The following ADGRL2 variants were observed in gnomAD, a reference collection of about 807,000 sequenced individuals.
The protein encoded by ADGRL2 is calcium-independent alpha-latrotoxin receptor 2.
Under a neutral mutation model 157.4 loss-of-function variants are expected in ADGRL2, and 44 were observed. The ratio of observed to expected loss-of-function variants is 0.28; its 90% CI spans 0.22 to 0.36. The LOEUF is 0.36. Ranked by LOEUF, ADGRL2 falls within the 10% of genes least tolerant of loss-of-function variation. ADGRL2 has a pLI of 1.00. For synonymous variants in ADGRL2, 585 were observed against 624.7 expected, an observed-to-expected ratio of 0.94 and a Z score of 0.95; for missense variants, 1,510 against 1,768.9, an observed-to-expected ratio of 0.85 and a Z score of 2.63.
chr1:81,896,010 T>C (rs2094380346), intron 2 of ADGRL2, among the ~76,000 whole-genome samples: 1 of 152,178 alleles, frequency 6.6e-6, no homozygotes. Context: ...TAAGAATAAA[T>C]ACATACTCAG....
At chr1:81,959,853 T>C (rs1009924247) in intron 11 of ADGRL2, among the ~76,000 whole-genome samples, 4 of 151,964 alleles carry the variant, frequency 2.6e-5, no homozygotes, top group African/African-American at 9.7e-5. Flanking sequence ...CAGGCTGGAG[T>C]GCAATGGCGC....
intron 1 of ADGRL2, among the ~76,000 whole-genome samples, chr1:81,426,196 G>A (rs868593384): frequency 6.6e-6 from 1 of 152,148 alleles, no homozygotes; most frequent in Non-Finnish European, 1.5e-5. Context: ...ATGATAAACT[G>A]GGCAGAACTT....
chr1:81,937,485 A>C (rs1397530813), intron 4 of ADGRL2, among the ~76,000 whole-genome samples: 1 of 151,924 alleles, frequency 6.6e-6, no homozygotes, highest in East Asian at 1.9e-4. Flanking sequence ...GCCAGTAGTC[A>C]AATTTTGTAT....
chr1:81,359,416 T>C (rs2075935481), intron 1 of ADGRL2, among the ~76,000 whole-genome samples: 2 of 152,026 alleles, frequency 1.3e-5, no homozygotes, highest in South Asian at 4.1e-4. Context: ...TATACATCGC[T>C]ATCCCTAGAG....
chr1:81,487,091 CAAA>C (rs146122539), intron 2 of ADGRL2, among the ~76,000 whole-genome samples: 7 of 85,282 alleles, frequency 8.2e-5, no homozygotes, highest in African/African-American at 3.9e-4. Flanking sequence ...CTCATCTCTA[CAAA>C]AAAAAAAAAA....
At chr1:81,625,665 G>A (rs1203075125) in intron 3 of ADGRL2, 1 of 152,112 alleles carries the variant, frequency 6.6e-6, no homozygotes, top group African/African-American at 2.4e-5. Flanking sequence ...CCCTTTAGAA[G>A]AGACATTTCC....
chr1:81,911,767 A>G (rs750525254), intron 3 of ADGRL2, among the ~76,000 whole-genome samples: 17 of 152,202 alleles, frequency 1.1e-4, no homozygotes, highest in Non-Finnish European at 2.5e-4. Context: ...AATACAAAGA[A>G]GTATGAAACG....
At chr1:81,989,759 G>A in intron 23 of ADGRL2, 1 of 1,598,038 alleles carries the variant, frequency 6.3e-7, no homozygotes, top group Non-Finnish European at 8.5e-7. Flanking sequence ...GTGCTTGTGG[G>A]CCCCTGGTCC....
rs544544779 is a variant in ADGRL2 at position 81,600,891 on chromosome 1, C to T, written c.-143+19911C>T. Among the ~76,000 whole-genome samples, 11 of 152,260 alleles carry T rather than the reference C, an allele frequency of 7.2e-5. No individual in the cohort carries two copies. In the East Asian group the frequency reaches 2.1e-3, roughly 29 times the overall value. On this transcript the variant is annotated intron_variant, in intron 3 of 24. Coordinates refer to the ADGRL2 transcript ENST00000370721. ...TAAATAATGAAGTTAATATTTATTT[C>T]TGGAAAGGCTTGGATCTATCATCTA...
chr1:81,802,924 G>T (rs937269550), intron 1 of ADGRL2, among the ~76,000 whole-genome samples: 8 of 152,076 alleles, frequency 5.3e-5, no homozygotes, highest in African/African-American at 1.9e-4. Flanking sequence ...GCTACGATTG[G>T]GAGCGGCGGG....
At chr1:81,902,919 T>G (rs1047385178) in intron 2 of ADGRL2, among the ~76,000 whole-genome samples, 6 of 152,212 alleles carry the variant, frequency 3.9e-5, no homozygotes, top group Non-Finnish European at 8.8e-5. Context: ...TATATGGATG[T>G]GCACAGCACA....
chr1:81,510,894 A>C (rs2079063819), intron 2 of ADGRL2, among the ~76,000 whole-genome samples: 1 of 152,176 alleles, frequency 6.6e-6, no homozygotes, highest in African/African-American at 2.4e-5. Flanking sequence ...TTGATATGTG[A>C]GTATATACAA....
At chr1:81,794,262 GT>G (rs1364175745) in intron 2 of ADGRL2, among the ~76,000 whole-genome samples, 2 of 152,134 alleles carry the variant, frequency 1.3e-5, no homozygotes, top group Non-Finnish European at 2.9e-5. Flanking sequence ...TACTAATTAA[GT>G]TGCCGTCATT....
At chr1:81,738,495 A>G (rs537701183) in intron 1 of ADGRL2, among the ~76,000 whole-genome samples, 1 of 152,352 alleles carries the variant, frequency 6.6e-6, no homozygotes, top group Admixed American at 6.5e-5. Context: ...AGACTGGGAC[A>G]TAGTGACAGC....
intron 1 of ADGRL2, among the ~76,000 whole-genome samples, chr1:81,309,801 C>A (rs776167022): frequency 6.6e-6 from 1 of 152,094 alleles, no homozygotes; most frequent in Admixed American, 6.6e-5. Context: ...CACTCCCCAC[C>A]TTGTTTTTCT....
intron 3 of ADGRL2, among the ~76,000 whole-genome samples, chr1:81,584,758 T>C (rs1214836778): frequency 6.6e-6 from 1 of 152,156 alleles, no homozygotes; most frequent in African/African-American, 2.4e-5. Flanking sequence ...ACGTAGTTTC[T>C]AGCTTCAGGT....
At chr1:81,836,799 G>T (rs2092307238) in intron 1 of ADGRL2, 86 bp from the exon 2 acceptor site, 1 of 460,704 alleles carries the variant, frequency 2.2e-6, no homozygotes, top group East Asian at 3.6e-5. Context: ...TTTATATTCA[G>T]GAGAGAGAGA....
chr1:81,859,152 C>T (rs2093307663), intron 2 of ADGRL2, among the ~76,000 whole-genome samples: 2 of 2,164 alleles, frequency 9.2e-4, no homozygotes, highest in South Asian at 0.25. Flanking sequence ...AATTTTGTCA[C>T]TGAGTTTTTA....
At chr1:81,493,379 T>C (rs1316323138) in intron 2 of ADGRL2, among the ~76,000 whole-genome samples, 1 of 152,132 alleles carries the variant, frequency 6.6e-6, no homozygotes, top group Non-Finnish European at 1.5e-5. Flanking sequence ...AATAAATACT[T>C]ATCTTTATCT....
Sources: allele counts gnomAD v4.1 joint callset (sites outside exome capture counted in the v4.1 genomes callset), GRCh38; gene constraint gnomAD v4.1.1; transcripts MANE v1.5; gene names NCBI Gene and HGNC (gene_info 2026-07-23, HGNC 2026-07-21).